PDZD8: variants seen among roughly 807,000 people sequenced by gnomAD.
PDZD8 encodes the protein PDZ domain-containing protein 8.
In PDZD8, 14 loss-of-function variants were observed where a neutral mutation model predicts 85.8. The observed-to-expected ratio is 0.16, with a 90% CI of 0.11 to 0.26. The LOEUF is 0.26. Ranked by LOEUF, PDZD8 falls within the 10% of genes least tolerant of loss-of-function variation. The pLI, the probability that PDZD8 is intolerant of heterozygous loss-of-function variation, is 1.00. For synonymous variants in PDZD8, 592 were observed against 568.6 expected (o/e 1.04, Z -0.59); for missense variants, 1,197 against 1,424.3 (o/e 0.84, Z 2.57).
chr10:117,291,768 A>G (rs1235862860), intron 3 of PDZD8, among the ~76,000 whole-genome samples: 1 of 151,764 alleles, frequency 6.6e-6, no homozygotes, highest in African/African-American at 2.4e-5. Flanking sequence ...CTGCCATCCA[A>G]TTTTCAGGAA....
chr10:117,349,735 C>A (rs113640629), intron 1 of PDZD8, among the ~76,000 whole-genome samples: 1 of 151,896 alleles, frequency 6.6e-6, no homozygotes, highest in Non-Finnish European at 1.5e-5. Flanking sequence ...CCTGGGAGAT[C>A]GAGGCTGCAG....
intron 2 of PDZD8, among the ~76,000 whole-genome samples, chr10:117,333,983 G>A (rs1367573407): frequency 1.3e-5 from 2 of 152,176 alleles, no homozygotes; most frequent in Non-Finnish European, 2.9e-5. Flanking sequence ...AAAAAGCAAT[G>A]AGGGAAACAA....
intron 3 of PDZD8, among the ~76,000 whole-genome samples, chr10:117,315,597 A>AAC (rs1554853446): frequency 1.1e-4 from 16 of 143,902 alleles, no homozygotes; most frequent in African/African-American, 3.8e-4. Flanking sequence ...CAAAAAAAAA[A>AAC]AAAAAAAAAA....
intron 1 of PDZD8, among the ~76,000 whole-genome samples, chr10:117,370,632 A>T (rs1021810136): frequency 4.6e-4 from 70 of 152,190 alleles, no homozygotes; most frequent in African/African-American, 1.6e-3. Context: ...GCCTGAAGTC[A>T]GGAGTTCGAA....
intron 4 of PDZD8, 118 bp downstream of exon 4, chr10:117,290,068 T>A: frequency 3.6e-6 from 3 of 829,284 alleles, no homozygotes; most frequent in Non-Finnish European, 5.3e-6. Flanking sequence ...TTTATTTCCA[T>A]TATAAAAGTG....
chr10:117,279,006 C>G lies in PDZD8; in HGVS notation c.*4262G>C, dbSNP rs1186642219. 3 of 152,192 alleles carry G rather than the reference C, an allele frequency of 2.0e-5. No homozygotes were observed. The highest frequency in any genetic ancestry group is 4.4e-5 in the Non-Finnish European group (3 of 68,038). 9.4% of individuals were successfully genotyped at this position (152,192 alleles called of 1,614,324 possible). A position where few individuals can be genotyped will look rare whatever the true frequency, so the allele number is the denominator to read the frequency against. Reference sequence around the variant, plus strand: ...TTCTGGTTCTCCCTGCCCCCAATACCATATACTTTATTGCAATTTTATTTT... The same window carrying G: ...TTCTGGTTCTCCCTGCCCCCAATACGATATACTTTATTGCAATTTTATTTT... On this transcript the variant is annotated 3_prime_UTR_variant, in exon 5 of 5. Transcript: ENST00000334464.
intron 1 of PDZD8, among the ~76,000 whole-genome samples, chr10:117,341,597 T>C (rs1003068615): frequency 2.0e-5 from 3 of 152,222 alleles, no homozygotes; most frequent in Non-Finnish European, 1.5e-5. Flanking sequence ...TTCTCCCATA[T>C]GTTTTGAATC....
At chr10:117,340,676 A>C (rs1417651615) in intron 2 of PDZD8, among the ~76,000 whole-genome samples, 3 of 152,192 alleles carry the variant, frequency 2.0e-5, no homozygotes, top group Non-Finnish European at 4.4e-5. Flanking sequence ...TTTTCTCTTT[A>C]ACATAGGAAC....
At chr10:117,314,781 A>G (rs923812281) in intron 3 of PDZD8, among the ~76,000 whole-genome samples, 27 of 152,198 alleles carry the variant, frequency 1.8e-4, no homozygotes, top group Admixed American at 1.4e-3. Context: ...AAAAATTCAT[A>G]TTCATCTTTC....
intron 3 of PDZD8, 48 bp from the exon 4 acceptor site, chr10:117,290,396 T>A: frequency 2.8e-6 from 4 of 1,452,828 alleles, no homozygotes; most frequent in African/African-American, 2.8e-5. Flanking sequence ...GGATTCCTAG[T>A]AATAGAGGAA....
intron 2 of PDZD8, among the ~76,000 whole-genome samples, chr10:117,323,660 G>C (rs1237717496): frequency 6.6e-6 from 1 of 152,138 alleles, no homozygotes; most frequent in Non-Finnish European, 1.5e-5. Flanking sequence ...GCACAAAAAT[G>C]AATGTAAGAG....
chr10:117,348,779 A>C (rs987466768), intron 1 of PDZD8, among the ~76,000 whole-genome samples: 1 of 152,142 alleles, frequency 6.6e-6, no homozygotes, highest in Admixed American at 6.5e-5. Flanking sequence ...ATATTTTATC[A>C]ATTTTTGAGG....
chr10:117,345,524 G>A (rs961441533), intron 1 of PDZD8, among the ~76,000 whole-genome samples: 1 of 152,098 alleles, frequency 6.6e-6, no homozygotes, highest in South Asian at 2.1e-4. Context: ...AAATAATCCA[G>A]GCAGTCAACC....
At position 117,284,764 on chromosome 10, in the gene PDZD8, C is replaced by G; in HGVS notation, c.1969G>C (p.Val657Leu). ...GTTTCTGAAGTGACATCTTTGGCCA[C>G]TTCTTGCTTTGCTAAAAATTGCTTA... ...APKQFLAKQE[V>L]AKDVTSETSC... is the part of the protein sequence containing the mutation. The change falls in exon 5 of 5, where the codon GTG (valine) becomes CTG (leucine). Residue 657 changes from valine to leucine, a missense_variant. Coordinates refer to ENST00000334464, the MANE Select transcript of PDZD8 (RefSeq NM_173791.5). The G allele has an allele frequency of 6.2e-7, 1 of 1,614,216 alleles. No homozygotes were observed. Among genetic ancestry groups the G allele is most frequent in the Non-Finnish European group, 8.5e-7 (1 of 1,180,022 alleles).
intron 4 of PDZD8, among the ~76,000 whole-genome samples, 165 bp downstream of exon 4, chr10:117,290,021 C>A (rs1844729009): frequency 1.3e-5 from 2 of 151,994 alleles, no homozygotes; most frequent in African/African-American, 4.8e-5. Context: ...ATTTTGAAGG[C>A]CTCCTTTGAA....
intron 1 of PDZD8, among the ~76,000 whole-genome samples, chr10:117,368,167 T>C (rs1845122705): frequency 6.6e-6 from 1 of 152,226 alleles, no homozygotes; most frequent in South Asian, 2.1e-4. Context: ...CTAGGTAGTA[T>C]GCACTAAGCA....
In PDZD8 at chr10:117,375,438, T is replaced by G. The variant is rs1589603752; in HGVS notation, c.-211A>C. ...TCCTCAGACGCTCCCGAAGGGCCGG[T>G]GTGGCGGCGGCGGCAGCGGGGCCGG... is the stretch of plus-strand genomic sequence containing the variant. On this transcript the variant is annotated 5_prime_UTR_variant, in exon 1 of 5. Transcript: ENST00000334464. The G allele has an allele frequency of 4.1e-6, 1 of 244,818 alleles. No individual in the cohort carries two copies. 15.2% of individuals were successfully genotyped at this position (244,818 alleles called of 1,614,324 possible). A position where few individuals can be genotyped will look rare whatever the true frequency, so the allele number is the denominator to read the frequency against.
At chr10:117,326,338 A>G (rs1196254317) in intron 2 of PDZD8, among the ~76,000 whole-genome samples, 2 of 152,216 alleles carry the variant, frequency 1.3e-5, no homozygotes, top group Non-Finnish European at 2.9e-5. Context: ...CACAGAGTTC[A>G]GCAAATCACC....
At chr10:117,358,787 C>G (rs1387501067) in intron 1 of PDZD8, among the ~76,000 whole-genome samples, 1 of 152,148 alleles carries the variant, frequency 6.6e-6, no homozygotes, top group Non-Finnish European at 1.5e-5. Context: ...AATAATAGCA[C>G]TTATTTTATA....
Sources: gnomAD v4.1 joint callset for allele counts (sites outside exome capture counted in the v4.1 genomes callset) on GRCh38, gnomAD v4.1.1 for gene constraint, MANE v1.5 for transcripts, NCBI Gene and HGNC (gene_info 2026-07-23, HGNC 2026-07-21) for gene names.